TMEM132C: variants seen among roughly 807,000 people sequenced by gnomAD.
TMEM132C encodes protein phosphatase 1, regulatory subunit 152.
TMEM132C carries 29 observed loss-of-function variants against 61.4 expected under a neutral mutation model. The ratio of observed to expected loss-of-function variants is 0.47; its 90% CI spans 0.35 to 0.64. The LOEUF (loss-of-function observed/expected upper bound fraction) is 0.64. Ranked by LOEUF, TMEM132C falls within the 30% of genes least tolerant of loss-of-function variation. The probability of loss-of-function intolerance (pLI) is 0.00; values close to 1 mark genes in which losing one functional copy is unlikely to be tolerated. For synonymous variants in TMEM132C, 656 were observed against 633.1 expected, an observed-to-expected ratio of 1.04 and a Z score of -0.54; for missense variants, 1,408 against 1,476.9, an observed-to-expected ratio of 0.95 and a Z score of 0.76.
At chr12:128,456,765 A>G (rs1870359162) in intron 2 of TMEM132C, among the ~76,000 whole-genome samples, 1 of 152,146 alleles carries the variant, frequency 6.6e-6, no homozygotes, top group African/African-American at 2.4e-5. Context: ...AAGAAGACAT[A>G]GAACAATTTC....
In TMEM132C at chr12:128,415,130, G is replaced by A. The variant is rs142699896; in HGVS notation, c.484G>A (p.Gly162Ser). 4,059 of 1,609,554 alleles carry A rather than the reference G, an allele frequency of 2.5e-3. 83 individuals are homozygous for A. In the African/African-American group the frequency reaches 0.045, roughly 18 times the overall value. ...CATGGGCAGAGACTGGGATGACCAC[G>A]GCGCCGGGGAGAAGCTGCCATGCCT... ...HIMGRDWDDH[G>S]AGEKLPCLRV... is the part of the protein sequence containing the mutation. The change falls in exon 2 of 9, where the codon GGC becomes AGC. Residue 162 changes from glycine to serine, a missense_variant. Transcript: ENST00000435159. This position sits in a 1 kb window ranked among gnomAD's most constrained non-coding sequence, Gnocchi z 5.8.
At chr12:128,623,194 A>C (rs897345667) in intron 4 of TMEM132C, among the ~76,000 whole-genome samples, 1 of 152,156 alleles carries the variant, frequency 6.6e-6, no homozygotes, top group African/African-American at 2.4e-5. Context: ...AATTTGAGGA[A>C]TCATTGCTGT....
At chr12:128,550,033 C>T (rs1032501446) in intron 3 of TMEM132C, among the ~76,000 whole-genome samples, 3 of 152,212 alleles carry the variant, frequency 2.0e-5, no homozygotes, top group Non-Finnish European at 2.9e-5. Context: ...CCCTGGTTCC[C>T]GTTAAATCTC....
At chr12:128,342,448 A>T (rs1219183887) in intron 1 of TMEM132C, among the ~76,000 whole-genome samples, 1 of 152,234 alleles carries the variant, frequency 6.6e-6, no homozygotes, top group African/African-American at 2.4e-5. Flanking sequence ...TATCTTGATT[A>T]CATAAGCTAG....
At chr12:128,390,414 C>T (rs938417740) in intron 1 of TMEM132C, among the ~76,000 whole-genome samples, 7 of 152,138 alleles carry the variant, frequency 4.6e-5, no homozygotes, top group African/African-American at 1.7e-4. Context: ...CCCTATTCTG[C>T]AGAGCTGGCA....
intron 2 of TMEM132C, among the ~76,000 whole-genome samples, chr12:128,517,941 C>G (rs895662061): frequency 1.3e-5 from 2 of 152,186 alleles, no homozygotes; most frequent in African/African-American, 2.4e-5. Flanking sequence ...TGAGCTTAGC[C>G]TCAAAGACCA....
At chr12:128,551,716 C>G (rs529700041) in intron 3 of TMEM132C, among the ~76,000 whole-genome samples, 1 of 152,274 alleles carries the variant, frequency 6.6e-6, no homozygotes, top group Admixed American at 6.5e-5. Context: ...TTTTGGCATC[C>G]TCCTGTTCCT....
At chr12:128,648,312 G>C (rs375585227) in intron 4 of TMEM132C, among the ~76,000 whole-genome samples, 1 of 150,560 alleles carries the variant, frequency 6.6e-6, no homozygotes, top group Non-Finnish European at 1.5e-5. Context: ...ATTAGCATTG[G>C]AAGTGAGTGT....
chr12:128,629,970 T>TAA (rs35956352), intron 4 of TMEM132C, among the ~76,000 whole-genome samples: 23,734 of 134,804 alleles, frequency 0.18, 2,219 homozygotes, highest in Non-Finnish European at 0.23. Flanking sequence ...CCGTCTAAAT[T>TAA]AAAAAAAAAA....
At chr12:128,286,863 A>G (rs1871091839) in intron 1 of TMEM132C, among the ~76,000 whole-genome samples, 1 of 152,162 alleles carries the variant, frequency 6.6e-6, no homozygotes, top group Admixed American at 6.5e-5. Flanking sequence ...ACGTGAGATT[A>G]TTGTCCATTG....
chr12:128,605,136 T>TA (rs1318253178), intron 3 of TMEM132C, among the ~76,000 whole-genome samples: 1 of 143,952 alleles, frequency 6.9e-6, no homozygotes, highest in Non-Finnish European at 1.5e-5. Context: ...GATAGATAGA[T>TA]ACATAGATAC....
intron 8 of TMEM132C, among the ~76,000 whole-genome samples, chr12:128,703,688 G>A (rs1954818011): frequency 6.6e-6 from 1 of 152,180 alleles, no homozygotes; most frequent in South Asian, 2.1e-4. Flanking sequence ...TCGCTATTGT[G>A]ACTCCATGTC....
At chr12:128,596,569 G>T (rs1004385308) in intron 3 of TMEM132C, among the ~76,000 whole-genome samples, 1 of 150,958 alleles carries the variant, frequency 6.6e-6, no homozygotes, top group Non-Finnish European at 1.5e-5. Flanking sequence ...GCACTGGGCT[G>T]CCCCTTTTGC....
chr12:128,324,945 C>T (rs1359852660), intron 1 of TMEM132C, among the ~76,000 whole-genome samples: 2 of 152,182 alleles, frequency 1.3e-5, no homozygotes, highest in South Asian at 2.1e-4. Flanking sequence ...TCTTCATTTC[C>T]AATTTTTTAC....
intron 1 of TMEM132C, among the ~76,000 whole-genome samples, chr12:128,383,034 CTGTG>C (rs202023285): frequency 3.3e-5 from 5 of 151,790 alleles, no homozygotes; most frequent in African/African-American, 4.8e-5. Flanking sequence ...GTATGCATGT[CTGTG>C]TGTGTGCACG....
intron 2 of TMEM132C, among the ~76,000 whole-genome samples, chr12:128,494,887 C>G (rs998734307): frequency 1.5e-4 from 23 of 151,776 alleles, no homozygotes; most frequent in Admixed American, 1.1e-3. Context: ...CTTCTGCTAG[C>G]TTTTGAATGT....
At chr12:128,423,012 T>C (rs938678292) in intron 2 of TMEM132C, among the ~76,000 whole-genome samples, 1 of 152,194 alleles carries the variant, frequency 6.6e-6, no homozygotes, top group African/African-American at 2.4e-5. Flanking sequence ...GGCTTCTTTG[T>C]CCTTTGCTGG....
At chr12:128,632,236 C>T (rs750009620) in intron 4 of TMEM132C, among the ~76,000 whole-genome samples, 1 of 150,994 alleles carries the variant, frequency 6.6e-6, no homozygotes, top group Non-Finnish European at 1.5e-5. Flanking sequence ...GTGTCAGAGG[C>T]TAACAGCCCT....
intron 5 of TMEM132C, among the ~76,000 whole-genome samples, chr12:128,672,554 G>A (rs1038019231): frequency 2.6e-5 from 4 of 152,096 alleles, no homozygotes; most frequent in African/African-American, 9.7e-5. Flanking sequence ...ACAGAAAATT[G>A]CCTCCTGAAA....
Sources: gnomAD v4.1 joint callset for allele counts (sites outside exome capture counted in the v4.1 genomes callset) on GRCh38, gnomAD v4.1.1 for gene constraint, Gnocchi (gnomAD v3.1) non-coding constraint, MANE v1.5 for transcripts, NCBI Gene and HGNC (gene_info 2026-07-23, HGNC 2026-07-21) for gene names.